The following ZFPM2 variants were observed in gnomAD, a reference collection of about 807,000 sequenced individuals.
ZFPM2 encodes the protein zinc finger protein ZFPM2.
Under a neutral mutation model 98.6 loss-of-function variants are expected in ZFPM2, and 20 were observed. The observed-to-expected ratio is 0.20, with a 90% CI of 0.14 to 0.29. ZFPM2 has a LOEUF of 0.29. Ranked by LOEUF, ZFPM2 falls within the 10% of genes least tolerant of loss-of-function variation. The probability of loss-of-function intolerance (pLI) is 1.00; values close to 1 mark genes in which losing one functional copy is unlikely to be tolerated. For synonymous variants in ZFPM2, 518 were observed against 502.7 expected (o/e 1.03, Z -0.41); for missense variants, 1,310 against 1,388.6 (o/e 0.94, Z 0.90).
intron 4 of ZFPM2, among the ~76,000 whole-genome samples, chr8:105,591,922 A>G (rs1443400064): frequency 6.6e-6 from 1 of 152,206 alleles, no homozygotes; most frequent in Non-Finnish European, 1.5e-5. Context: ...TTAACACCAG[A>G]TAAAGCAGAG....
At chr8:105,655,915 T>A (rs1293369466) in intron 5 of ZFPM2, among the ~76,000 whole-genome samples, 1 of 152,146 alleles carries the variant, frequency 6.6e-6, no homozygotes, top group African/African-American at 2.4e-5. Flanking sequence ...CAGCTCAAAT[T>A]TAACCCACAT....
chr8:105,768,365 G>T (rs1412806875), intron 5 of ZFPM2, among the ~76,000 whole-genome samples: 4 of 151,882 alleles, frequency 2.6e-5, no homozygotes, highest in Admixed American at 6.6e-5. Flanking sequence ...ATCTCTAGAA[G>T]CACAGAATCA....
intron 3 of ZFPM2, among the ~76,000 whole-genome samples, chr8:105,538,947 A>G (rs1025468022): frequency 1.1e-4 from 17 of 152,148 alleles, no homozygotes; most frequent in African/African-American, 3.6e-4. Context: ...TGAGCCTGGG[A>G]GGTTGAGGCT....
At chr8:105,449,975 A>G (rs1395252090) in intron 3 of ZFPM2, among the ~76,000 whole-genome samples, 1 of 152,106 alleles carries the variant, frequency 6.6e-6, no homozygotes, top group Non-Finnish European at 1.5e-5. Flanking sequence ...TCATCGTAGT[A>G]TTATATTAAG....
At chr8:105,705,584 T>C (rs573776317) in intron 5 of ZFPM2, among the ~76,000 whole-genome samples, 2 of 152,292 alleles carry the variant, frequency 1.3e-5, no homozygotes, top group Non-Finnish European at 2.9e-5. Flanking sequence ...GATAAAAATA[T>C]CAGCTTTAAT....
chr8:105,545,613 T>A (rs1469097396), intron 3 of ZFPM2, among the ~76,000 whole-genome samples: 1 of 152,188 alleles, frequency 6.6e-6, no homozygotes, highest in Non-Finnish European at 1.5e-5. Flanking sequence ...CCATGGGCAT[T>A]ATTTTATTTC....
At chr8:105,746,014 CT>C (rs1812335458) in intron 5 of ZFPM2, among the ~76,000 whole-genome samples, 1 of 152,070 alleles carries the variant, frequency 6.6e-6, no homozygotes, top group South Asian at 2.1e-4. Context: ...TCAATTGATC[CT>C]CCTGCCTCAG....
chr8:105,592,469 CT>C (rs1815871141), intron 4 of ZFPM2, among the ~76,000 whole-genome samples: 1 of 152,078 alleles, frequency 6.6e-6, no homozygotes, highest in African/African-American at 2.4e-5. Context: ...AAAATGTTAA[CT>C]ATCTCCCAGT....
At chr8:105,464,679 ATAAT>A (rs1168480664) in intron 3 of ZFPM2, among the ~76,000 whole-genome samples, 1 of 151,804 alleles carries the variant, frequency 6.6e-6, no homozygotes, top group Non-Finnish European at 1.5e-5. Context: ...ACAATGTTAA[ATAAT>A]TATAGTTCCA....
At chr8:105,484,330 TTTAG>T (rs1432191489) in intron 3 of ZFPM2, among the ~76,000 whole-genome samples, 2 of 152,062 alleles carry the variant, frequency 1.3e-5, no homozygotes, top group Admixed American at 6.5e-5. Flanking sequence ...TAATCAATGG[TTTAG>T]TTAATTAGTT....
chr8:105,709,456 G>A (rs1489945433), intron 5 of ZFPM2, among the ~76,000 whole-genome samples: 1 of 152,044 alleles, frequency 6.6e-6, no homozygotes, highest in African/African-American at 2.4e-5. Context: ...AACTAACAGA[G>A]CTAAGATTAA....
At chr8:105,671,923 T>G (rs549079173) in intron 5 of ZFPM2, among the ~76,000 whole-genome samples, 1 of 152,306 alleles carries the variant, frequency 6.6e-6, no homozygotes, top group South Asian at 2.1e-4. Context: ...TTAATTACTA[T>G]GTTATGATGC....
intron 4 of ZFPM2, among the ~76,000 whole-genome samples, chr8:105,565,843 G>C (rs1276554082): frequency 2.0e-5 from 3 of 152,124 alleles, no homozygotes; most frequent in Admixed American, 6.6e-5. Context: ...GTTTGCCAAG[G>C]GCTCTGTCTT....
chr8:105,516,169 G>A (rs536836270), intron 3 of ZFPM2, among the ~76,000 whole-genome samples: 5 of 152,010 alleles, frequency 3.3e-5, no homozygotes, highest in South Asian at 2.1e-4. Context: ...CAGGTGATCC[G>A]CCTGCCTCGG....
intron 3 of ZFPM2, among the ~76,000 whole-genome samples, chr8:105,498,805 T>G (rs1813528296): frequency 6.6e-6 from 1 of 152,138 alleles, no homozygotes; most frequent in East Asian, 1.9e-4. Context: ...GGGGAATGAA[T>G]AAGAGGTGCC....
At chr8:105,319,813 G>A in intron 1 of ZFPM2, 1 of 152,172 alleles carries the variant, frequency 6.6e-6, no homozygotes, top group East Asian at 1.9e-4. Context: ...CCGGGTGCCC[G>A]GGGGTCCCGA....
At chr8:105,387,806 G>C (rs372859603) in intron 1 of ZFPM2, 5 of 152,822 alleles carry the variant, frequency 3.3e-5, no homozygotes, top group South Asian at 2.1e-4. Context: ...AGGAGGACTC[G>C]AGAACGAGCA....
At chr8:105,732,546 G>A (rs1315915979) in intron 5 of ZFPM2, among the ~76,000 whole-genome samples, 2 of 151,850 alleles carry the variant, frequency 1.3e-5, no homozygotes, top group African/African-American at 4.8e-5. Flanking sequence ...TATCAGAAAA[G>A]TCTGGATCCT....
At chr8:105,420,484 A>G (rs368858961) in intron 2 of ZFPM2, among the ~76,000 whole-genome samples, 2 of 152,290 alleles carry the variant, frequency 1.3e-5, no homozygotes, top group African/African-American at 4.8e-5. Flanking sequence ...GCACCTGGAC[A>G]CACTGAAATT....
Sources: allele counts gnomAD v4.1 joint callset (sites outside exome capture counted in the v4.1 genomes callset), GRCh38; gene constraint gnomAD v4.1.1; transcripts MANE v1.5; gene names NCBI Gene and HGNC (gene_info 2026-07-23, HGNC 2026-07-21).